CHN1: variants seen among roughly 807,000 people sequenced by gnomAD.
CHN1 encodes chimerin 1, also known as N-chimaerin.
A neutral mutation model predicts 59.5 loss-of-function variants in CHN1; 37 were observed. The ratio of observed to expected loss-of-function variants is 0.62; its 90% confidence interval spans 0.48 to 0.82. CHN1 has a LOEUF of 0.82. Among genes scored for constraint, CHN1 ranks in the 40% least tolerant of loss-of-function variants. The pLI is 0.00. For missense variants in CHN1, 469 were observed against 571.0 expected (o/e 0.82, Z 1.82); for synonymous variants, 206 against 200.4 (o/e 1.03, Z -0.24).
chr2:174,869,569 T>C (rs1023538118), intron 6 of CHN1, among the ~76,000 whole-genome samples: 1 of 152,120 alleles, frequency 6.6e-6, no homozygotes, highest in African/African-American at 2.4e-5. Flanking sequence ...TTCTATATAT[T>C]GATTGTAGGG....
chr2:174,993,630 A>G lies in CHN1; in HGVS notation c.19+11264T>C, dbSNP rs116450271. ...GAGGGTACCAAAACTAAAAAAAAAAAAAAGAAAGAAAAAGGCTTTACCATA... is the reference window on the plus strand; with the variant it reads ...GAGGGTACCAAAACTAAAAAAAAAAGAAAGAAAGAAAAAGGCTTTACCATA... On this transcript the variant is annotated intron_variant, in intron 1 of 12. Transcript: ENST00000409900. Among the ~76,000 whole-genome samples, 973 of 152,048 alleles carry G rather than the reference A, an allele frequency of 6.4e-3. 16 individuals are homozygous for G. Among genetic ancestry groups the G allele is most frequent in the African/African-American group, 0.022 (924 of 41,492 alleles).
intron 3 of CHN1, among the ~76,000 whole-genome samples, chr2:174,919,472 C>G (rs1356092112): frequency 6.6e-6 from 1 of 152,078 alleles, no homozygotes; most frequent in Middle Eastern, 3.2e-3. Flanking sequence ...TTGATGACAC[C>G]ATGTACTATG....
chr2:174,843,088 T>G (rs1407434804), intron 7 of CHN1, among the ~76,000 whole-genome samples: 2 of 152,192 alleles, frequency 1.3e-5, no homozygotes, highest in Non-Finnish European at 2.9e-5. Context: ...TAATATTGTA[T>G]CTGCTCTTGA....
intron 1 of CHN1, among the ~76,000 whole-genome samples, chr2:174,974,573 C>G (rs558249170): frequency 9.9e-5 from 15 of 152,190 alleles, no homozygotes; most frequent in South Asian, 2.1e-4. Context: ...TTACTGTTCA[C>G]AAGTGACAAT....
intron 5 of CHN1, among the ~76,000 whole-genome samples, chr2:174,889,490 A>AG (rs1326970091): frequency 1.3e-5 from 2 of 152,166 alleles, no homozygotes; most frequent in African/African-American, 2.4e-5. Flanking sequence ...AACAATATCA[A>AG]GGAAAAAAAT....
chr2:174,952,198 T>C lies in CHN1; in HGVS notation c.24A>G (p.Thr8=). ...TCCAAACAGGAGGTCTATATTCATC[T>C]GTATCTGAAAGAAAAAACATCAAAT... MALTLFD[T]DEYRPPVWKS... is the part of the protein sequence containing the mutation. The change falls in exon 2 of 13, where the codon ACA becomes ACG. Residue 8 remains threonine (T), a synonymous_variant. Coordinates refer to ENST00000409900, the MANE Select transcript of CHN1 (RefSeq NM_001822.7). The C allele has an allele frequency of 6.9e-7, 1 of 1,458,136 alleles. No individual in the cohort carries two copies. The highest frequency in any genetic ancestry group is 9.1e-7 in the Non-Finnish European group (1 of 1,100,542). 90.3% of individuals were successfully genotyped at this position (1,458,136 alleles called of 1,614,324 possible).
chr2:174,872,988 G>GACTT (rs1687457852), intron 6 of CHN1, among the ~76,000 whole-genome samples: 1 of 151,476 alleles, frequency 6.6e-6, no homozygotes, highest in African/African-American at 2.4e-5. Flanking sequence ...GGAGGTTAAG[G>GACTT]ACTTGTTCAA....
At chr2:174,879,501 T>C (rs1477506910) in intron 5 of CHN1, among the ~76,000 whole-genome samples, 1 of 152,184 alleles carries the variant, frequency 6.6e-6, no homozygotes, top group East Asian at 1.9e-4. Context: ...TTGTTCTCCA[T>C]TTTCCTCTAA....
At chr2:174,917,170 C>T (rs571998360) in intron 4 of CHN1, among the ~76,000 whole-genome samples, 5 of 152,146 alleles carry the variant, frequency 3.3e-5, no homozygotes, top group African/African-American at 1.2e-4. Flanking sequence ...CGGTGGCTCA[C>T]GCCTATAATC....
At chr2:174,890,491 G>A (rs898293543) in intron 5 of CHN1, among the ~76,000 whole-genome samples, 6 of 151,756 alleles carry the variant, frequency 4.0e-5, no homozygotes, top group Admixed American at 1.3e-4. Flanking sequence ...CCAGAAGTTC[G>A]GGACCAGCAT....
At chr2:174,846,261 G>C (rs1251743423) in intron 7 of CHN1, 2 of 1,517,914 alleles carry the variant, frequency 1.3e-6, no homozygotes, top group Non-Finnish European at 1.8e-6. Flanking sequence ...GAAAATTCAA[G>C]TACAGTTGAT....
At chr2:174,990,260 T>TGAGA (rs1163852070) in intron 1 of CHN1, among the ~76,000 whole-genome samples, 243 of 98,686 alleles carry the variant, frequency 2.5e-3, no homozygotes, top group African/African-American at 8.5e-3. Context: ...TGTGTGTGTG[T>TGAGA]GTGAGAGAGA....
At chr2:174,820,701 GGTGT>G in intron 8 of CHN1, among the ~76,000 whole-genome samples, 1 of 152,242 alleles carries the variant, frequency 6.6e-6, no homozygotes, top group South Asian at 2.1e-4. Flanking sequence ...TCATCGCTGC[GGTGT>G]GCTTAGCAGC....
At chr2:174,950,638 A>G (rs1173733751) in intron 2 of CHN1, among the ~76,000 whole-genome samples, 1 of 152,170 alleles carries the variant, frequency 6.6e-6, no homozygotes, top group Admixed American at 6.5e-5. Context: ...TTACTAATTG[A>G]TATTTTTCAT....
At chr2:174,818,216 AATAAG>A (rs1685350455) in intron 8 of CHN1, among the ~76,000 whole-genome samples, 1 of 152,262 alleles carries the variant, frequency 6.6e-6, no homozygotes, top group African/African-American at 2.4e-5. Flanking sequence ...CTTTTATTTA[AATAAG>A]ATAAAACTAT....
In CHN1 at chr2:175,005,028, G is replaced by A; in HGVS notation, c.-116C>T. On this transcript the variant is annotated 5_prime_UTR_variant, in exon 1 of 13. It adds an upstream start codon to the 5' untranslated region. Coordinates refer to ENST00000409900, the MANE Select transcript of CHN1 (RefSeq NM_001822.7). ...GAGAGAGTGGGGTGCCCGATGGGGC[G>A]TGCTGGGGGCGCCGGCGCCCGGGGA... The A allele has an allele frequency of 1.4e-6, 2 of 1,429,986 alleles. No individual in the cohort carries two copies. Among genetic ancestry groups the A allele is most frequent in the Non-Finnish European group, 1.8e-6 (2 of 1,091,224 alleles). The allele number at this position is 1,429,986 out of a possible 1,614,324, so 88.6% of individuals were successfully genotyped here.
intron 7 of CHN1, among the ~76,000 whole-genome samples, chr2:174,842,181 C>A (rs1306596402): frequency 2.6e-5 from 4 of 152,130 alleles, no homozygotes; most frequent in Non-Finnish European, 4.4e-5. Context: ...TCTTGAGCAT[C>A]TGCTAGTTAC....
intron 1 of CHN1, among the ~76,000 whole-genome samples, chr2:174,981,294 G>T (rs1013219740): frequency 6.6e-6 from 1 of 152,132 alleles, no homozygotes; most frequent in Non-Finnish European, 1.5e-5. Flanking sequence ...AAATTCATGG[G>T]TGTGGGCTAT....
chr2:174,801,338 C>T (rs1264056014), intron 12 of CHN1, among the ~76,000 whole-genome samples: 1 of 115,282 alleles, frequency 8.7e-6, no homozygotes, highest in African/African-American at 2.8e-5. Flanking sequence ...AAGTGAGCTG[C>T]CTTGCAAGTT....
Sources: gnomAD v4.1 joint callset for allele counts (sites outside exome capture counted in the v4.1 genomes callset) on GRCh38, gnomAD v4.1.1 for gene constraint, MANE v1.5 for transcripts, NCBI Gene and HGNC (gene_info 2026-07-23, HGNC 2026-07-21) for gene names.